TAF5L: variants seen among roughly 807,000 people sequenced by gnomAD.
The protein encoded by TAF5L is TATA-box binding protein associated factor 5 like, also known as TAF5-like RNA polymerase II p300/CBP-associated factor-associated factor 65 kDa subunit 5L.
In TAF5L, 7 loss-of-function variants were observed where a neutral mutation model predicts 51.3. The observed-to-expected ratio is 0.14, with a 90% CI of 0.08 to 0.26. The LOEUF (loss-of-function observed/expected upper bound fraction) is 0.26, where lower values mean the gene tolerates loss of function less well. Ranked by LOEUF, TAF5L falls within the 10% of genes least tolerant of loss-of-function variation. TAF5L has a pLI of 1.00. For missense variants in TAF5L, 575 were observed against 758.9 expected (o/e 0.76, Z 2.85); for synonymous variants, 291 against 308.1 (o/e 0.94, Z 0.58).
intron 3 of TAF5L, among the ~76,000 whole-genome samples, chr1:229,608,879 T>C (rs1177522026): frequency 6.6e-6 from 1 of 152,082 alleles, no homozygotes; most frequent in African/African-American, 2.4e-5. Context: ...TGGCACATGC[T>C]TGTGGTCCCA....
chr1:229,614,058 G>A (rs866295270), intron 2 of TAF5L: 18 of 609,632 alleles, frequency 3.0e-5, no homozygotes, highest in East Asian at 1.1e-4. Flanking sequence ...AAAGTTGCAC[G>A]TACTTTCAGG....
rs920628703 is a variant in TAF5L, at chr1:229,602,037, C to T, written c.972+158G>A. 1.4e-6 allele frequency: 2 copies of T among 1,464,960 alleles called. No homozygotes were observed. The highest frequency in any genetic ancestry group is 1.8e-6 in the Non-Finnish European group (2 of 1,110,594). The allele number at this position is 1,464,960 out of a possible 1,614,324, so 90.7% of individuals were successfully genotyped here. A position where few individuals can be genotyped will look rare whatever the true frequency, so the allele number is the denominator to read the frequency against. On this transcript the variant is annotated intron_variant, in intron 4 of 4. Transcript: ENST00000258281. The surrounding 1 kb of genome is among the most constrained non-coding windows in gnomAD (Gnocchi z 4.6). Reference sequence around the variant, plus strand: ...TTTTGCATCTTAGGTTAGGCATGTGCAGGAATTCAATGGCTACAGGTAACA... The same window carrying T: ...TTTTGCATCTTAGGTTAGGCATGTGTAGGAATTCAATGGCTACAGGTAACA...
chr1:229,595,487 T>G (rs1664085878), intron 4 of TAF5L, among the ~76,000 whole-genome samples: 1 of 152,228 alleles, frequency 6.6e-6, no homozygotes, highest in African/African-American at 2.4e-5. Context: ...GCTCTTAGAT[T>G]GTTCTATTCT....
chr1:229,613,380 A>G (rs1664860462), intron 2 of TAF5L, among the ~76,000 whole-genome samples: 1 of 151,934 alleles, frequency 6.6e-6, no homozygotes, highest in Non-Finnish European at 1.5e-5. Flanking sequence ...AGAAAGTCAT[A>G]AAGTCATATT....
intron 3 of TAF5L, chr1:229,607,570 T>C: frequency 2.5e-6 from 2 of 800,352 alleles, no homozygotes; most frequent in Non-Finnish European, 3.0e-6. Flanking sequence ...GCCTACCTCC[T>C]GCTCAGTAAA....
chr1:229,625,781 A>AGGCGC lies in TAF5L; in HGVS notation c.-4+99_-4+103dup, dbSNP rs1665434545. 1 of 117,342 alleles carries AGGCGC rather than the reference A, an allele frequency of 8.5e-6. No individual in the cohort carries two copies. The highest frequency in any genetic ancestry group is 1.8e-5 in the Non-Finnish European group (1 of 56,624). The allele number at this position is 117,342 out of a possible 1,614,324, so 7.3% of individuals were successfully genotyped here. A position where few individuals can be genotyped will look rare whatever the true frequency, so the allele number is the denominator to read the frequency against. Reference sequence around the variant, plus strand: ...CCCCACCGCCCGCCGGCGGGAGCCAAGGCGCGCCCCGCCGAGGCCCCACCG... The same window carrying AGGCGC: ...CCCCACCGCCCGCCGGCGGGAGCCAAGGCGCGGCGCGCCCCGCCGAGGCCCCACCG... On this transcript the variant is annotated intron_variant, in intron 1 of 4. Coordinates refer to ENST00000258281, the Ensembl canonical transcript of TAF5L. The surrounding 1 kb of genome is among the most constrained non-coding windows in gnomAD (Gnocchi z 4.0).
intron 4 of TAF5L, chr1:229,599,929 A>T (rs1664304892): frequency 1.0e-6 from 1 of 985,484 alleles, no homozygotes. Flanking sequence ...TCTGACTTAC[A>T]TAGTGATTTT....
chr1:229,601,850 C>T, intron 4 of TAF5L: 2 of 1,047,766 alleles, frequency 1.9e-6, no homozygotes, highest in Non-Finnish European at 2.3e-6. Flanking sequence ...TTATTTGTAC[C>T]TGAGCAAATG....
At chr1:229,599,860 T>C in intron 4 of TAF5L, 2 of 985,456 alleles carry the variant, frequency 2.0e-6, no homozygotes, top group South Asian at 9.4e-5. Flanking sequence ...ATTCACTGAT[T>C]TATGTAATAG....
chr1:229,602,552 T>C lies in TAF5L; in HGVS notation c.615A>G (p.Thr205=). 1.2e-6 allele frequency: 2 copies of C among 1,614,216 alleles called. No homozygotes were observed. Among genetic ancestry groups the C allele is most frequent in the Non-Finnish European group, 1.7e-6 (2 of 1,180,038 alleles). Reference sequence around the variant, plus strand: ...TGCCACTGGCATACAGCTGATAGTCTGTTCTCTTGGCAGGCTGCACGTCAA... The same window carrying C: ...TGCCACTGGCATACAGCTGATAGTCCGTTCTCTTGGCAGGCTGCACGTCAA... Residue 205 remains threonine (T), a synonymous_variant, in exon 4 of 5, where the codon ACA becomes ACG. Coordinates refer to ENST00000258281, the Ensembl canonical transcript of TAF5L. This position sits in a 1 kb window ranked among gnomAD's most constrained non-coding sequence, Gnocchi z 4.6.
chr1:229,595,272 A>G (rs1216124138), intron 4 of TAF5L, among the ~76,000 whole-genome samples, 178 bp from the exon 5 acceptor site: 1 of 152,246 alleles, frequency 6.6e-6, no homozygotes, highest in Non-Finnish European at 1.5e-5. Flanking sequence ...AAGATAACTC[A>G]TAACTGAATA....
intron 1 of TAF5L, among the ~76,000 whole-genome samples, chr1:229,623,317 C>A (rs1406463218): frequency 6.6e-6 from 1 of 152,208 alleles, no homozygotes; most frequent in South Asian, 2.1e-4. Flanking sequence ...CTACTGCCTC[C>A]ACTAGTGTGA....
intron 1 of TAF5L, among the ~76,000 whole-genome samples, chr1:229,616,688 A>G (rs1665016093): frequency 6.6e-6 from 1 of 152,198 alleles, no homozygotes; most frequent in Non-Finnish European, 1.5e-5. Context: ...GGAGCCCTTT[A>G]AAAATATACT....
chr1:229,618,620 C>G (rs1163434498), intron 1 of TAF5L, among the ~76,000 whole-genome samples: 2 of 152,214 alleles, frequency 1.3e-5, no homozygotes, highest in Non-Finnish European at 2.9e-5. Context: ...CACAGCCACA[C>G]TTAACATTCA....
chr1:229,608,117 T>A (rs148224955), intron 3 of TAF5L, among the ~76,000 whole-genome samples: 1 of 152,172 alleles, frequency 6.6e-6, no homozygotes, highest in Non-Finnish European at 1.5e-5. Context: ...ACCAAAATAA[T>A]ACACCTGGCC....
intron 1 of TAF5L, among the ~76,000 whole-genome samples, chr1:229,621,995 C>T (rs949999626): frequency 2.0e-5 from 3 of 151,938 alleles, no homozygotes; most frequent in African/African-American, 7.3e-5. Flanking sequence ...TTCGGGTGAG[C>T]AGAACTTCTT....
intron 1 of TAF5L, among the ~76,000 whole-genome samples, chr1:229,620,163 G>A (rs913093193): frequency 1.9e-4 from 29 of 151,580 alleles, no homozygotes; most frequent in Non-Finnish European, 3.5e-4. Context: ...AAAAAATTGC[G>A]GCTAGTGCAA....
intron 1 of TAF5L, among the ~76,000 whole-genome samples, chr1:229,620,691 A>G (rs1008074101): frequency 1.3e-5 from 2 of 152,228 alleles, no homozygotes; most frequent in Non-Finnish European, 2.9e-5. Flanking sequence ...TTTACAGCAC[A>G]GAAAAACTGC....
At position 229,602,162 on chromosome 1, in the gene TAF5L, C is replaced by T. The variant is rs779948752; in HGVS notation, c.972+33G>A. ...GGACATTCTAAGGAAATTAGGAAGG[C>T]GGGTGCAGGGAAGAAAAAAATGGTA... On this transcript the variant is annotated intron_variant, in intron 4 of 4. Transcript: ENST00000258281. This position sits in a 1 kb window ranked among gnomAD's most constrained non-coding sequence, Gnocchi z 4.6. The T allele has an allele frequency of 1.0e-5, 16 of 1,589,308 alleles. No individual in the cohort carries two copies. The highest frequency in any genetic ancestry group is 3.4e-5 in the South Asian group (3 of 87,164).
Sources: allele counts gnomAD v4.1 joint callset (sites outside exome capture counted in the v4.1 genomes callset), GRCh38; gene constraint gnomAD v4.1.1; non-coding constraint Gnocchi (gnomAD v3.1); transcripts MANE v1.5; gene names NCBI Gene and HGNC (gene_info 2026-07-23, HGNC 2026-07-21).